SERPINA6: variants seen among roughly 807,000 people sequenced by gnomAD.
SERPINA6 encodes serpin family A member 6, also known as corticosteroid-binding globulin.
In SERPINA6, 19 loss-of-function variants were observed where a neutral mutation model predicts 26.4. The observed-to-expected ratio is 0.72, with a 90% CI of 0.50 to 1.06. The LOEUF (loss-of-function observed/expected upper bound fraction) is 1.06, where lower values mean the gene tolerates loss of function less well. Ranked by LOEUF, SERPINA6 falls within the 50% of genes least tolerant of loss-of-function variation. The probability of loss-of-function intolerance (pLI) is 0.00; values close to 1 mark genes in which losing one functional copy is unlikely to be tolerated. For synonymous variants in SERPINA6, 196 were observed against 199.4 expected, an observed-to-expected ratio of 0.98 and a Z score of 0.14; for missense variants, 473 against 504.0, an observed-to-expected ratio of 0.94 and a Z score of 0.59.
At chr14:94,321,942 T>C (rs1029679406) in intron 1 of SERPINA6, among the ~76,000 whole-genome samples, 3 of 152,196 alleles carry the variant, frequency 2.0e-5, no homozygotes, top group African/African-American at 7.2e-5. Flanking sequence ...TTCTCCTGCG[T>C]TAATTCTCTA....
At position 94,309,853 on chromosome 14, in the gene SERPINA6, T is replaced by C. The variant is rs1895501027; in HGVS notation, c.767A>G (p.Asn256Ser). The change falls in exon 3 of 5, where the codon AAC (asparagine) becomes AGC (serine). Residue 256 changes from asparagine (N) to serine (S), a missense_variant. Physicochemically the swap from Asn to Ser is conservative, Grantham distance 46. Transcript: ENST00000341584. ...SELPCQLVQM[N>S]YVGNGTVFFI... Reference sequence around the variant, plus strand: ...GAAGACAGTCCCATTGCCCACGTAGTTCATCTGCACCAGCTGGCAGGGGAG... The same window carrying C: ...GAAGACAGTCCCATTGCCCACGTAGCTCATCTGCACCAGCTGGCAGGGGAG... The C allele has an allele frequency of 6.2e-7, 1 of 1,614,060 alleles. No homozygotes were observed. The highest frequency in any genetic ancestry group is 1.3e-5 in the African/African-American group (1 of 74,916).
chr14:94,319,785 AG>A (rs1895658395), intron 1 of SERPINA6, among the ~76,000 whole-genome samples: 1 of 152,184 alleles, frequency 6.6e-6, no homozygotes, highest in Admixed American at 6.5e-5. Context: ...TGTGGTTACC[AG>A]GGGCCGGGGC....
chr14:94,315,058 T>G (rs1895594278), intron 1 of SERPINA6, among the ~76,000 whole-genome samples: 1 of 152,080 alleles, frequency 6.6e-6, no homozygotes, highest in Non-Finnish European at 1.5e-5. Flanking sequence ...AAAACACAAT[T>G]AAAGCATTCC....
chr14:94,319,153 G>A (rs879555128), intron 1 of SERPINA6, among the ~76,000 whole-genome samples: 4 of 152,140 alleles, frequency 2.6e-5, no homozygotes, highest in Non-Finnish European at 5.9e-5. Context: ...AAACAAAACA[G>A]AAAACAATAA....
At chr14:94,318,312 G>T (rs1895639691) in intron 1 of SERPINA6, among the ~76,000 whole-genome samples, 1 of 152,114 alleles carries the variant, frequency 6.6e-6, no homozygotes, top group South Asian at 2.1e-4. Flanking sequence ...CACAGAAATA[G>T]AAAAATTTAT....
intron 1 of SERPINA6, among the ~76,000 whole-genome samples, chr14:94,317,730 A>G (rs979216360): frequency 1.3e-5 from 2 of 152,228 alleles, no homozygotes; most frequent in African/African-American, 4.8e-5. Flanking sequence ...AAGACTACGT[A>G]TTTATAAAAC....
chr14:94,318,433 T>G (rs1265754364), intron 1 of SERPINA6, among the ~76,000 whole-genome samples: 1 of 152,144 alleles, frequency 6.6e-6, no homozygotes, highest in African/African-American at 2.4e-5. Context: ...TACAAAACTA[T>G]AATAATCAAA....
At chr14:94,316,819 G>T (rs889019265) in intron 1 of SERPINA6, among the ~76,000 whole-genome samples, 20 of 152,184 alleles carry the variant, frequency 1.3e-4, no homozygotes, top group Non-Finnish European at 2.9e-5. Context: ...CCCTGAGCTG[G>T]ACATCTGTGT....
At position 94,318,728 on chromosome 14, in the gene SERPINA6, A is replaced by G. The variant is rs1203696963; in HGVS notation, c.-19-4061T>C. 4.6e-5 allele frequency among the ~76,000 whole-genome samples: 7 copies of G among 152,218 alleles called. No individual in the cohort carries two copies. In the East Asian group the frequency reaches 1.3e-3, roughly 29 times the overall value. On this transcript the variant is annotated intron_variant, in intron 1 of 4. Transcript: ENST00000341584. Reference sequence around the variant, plus strand: ...AATCTTAGAAAAAAACATGGGGGAAAAACTTCATGATGTTGGCTTTGGCAA... The same window carrying G: ...AATCTTAGAAAAAAACATGGGGGAAGAACTTCATGATGTTGGCTTTGGCAA...
intron 1 of SERPINA6, among the ~76,000 whole-genome samples, chr14:94,315,787 G>T (rs1309937897): frequency 1.3e-5 from 2 of 152,290 alleles, no homozygotes; most frequent in Non-Finnish European, 2.9e-5. Context: ...ACAGCAAGAA[G>T]ATATAACATT....
At position 94,304,641 on chromosome 14, in the gene SERPINA6, C is replaced by A. The variant is rs187641380; in HGVS notation, c.1033-38G>T. ...GAATGAAGATGGGTAGTGAGACCTGCTGTGCGTTCTCGCTTTCCTGACTCA... is the reference window on the plus strand; with the variant it reads ...GAATGAAGATGGGTAGTGAGACCTGATGTGCGTTCTCGCTTTCCTGACTCA... On this transcript the variant is annotated intron_variant, in intron 4 of 4. Coordinates refer to ENST00000341584, the MANE Select transcript of SERPINA6 (RefSeq NM_001756.4). 1.9e-6 allele frequency: 3 copies of A among 1,554,114 alleles called. No individual in the cohort carries two copies. The Admixed American group carries it at 5.0e-5, about 26-fold the overall frequency.
rs1476045999 is a variant in SERPINA6 at position 94,306,131 on chromosome 14, C to A, written c.972G>T (p.Leu324Phe). 6.2e-7 allele frequency: 1 copy of A among 1,614,074 alleles called. No homozygotes were observed. The highest frequency in any genetic ancestry group is 8.5e-7 in the Non-Finnish European group (1 of 1,180,036). Residue 324 changes from leucine to phenylalanine, a missense_variant, in exon 4 of 5, where the codon TTG (leucine) becomes TTT (phenylalanine). Coordinates refer to ENST00000341584, the MANE Select transcript of SERPINA6 (RefSeq NM_001756.4). ...DVLEEMGIAD[L>F]FTNQANFSRI... ...GTGAGAAATTTGCCTGGTTGGTGAA[C>A]AAGTCTGCAATGCCCATTTCCTCCA... is the stretch of plus-strand genomic sequence containing the variant.
chr14:94,317,676 C>A (rs1443244048), intron 1 of SERPINA6, among the ~76,000 whole-genome samples: 1 of 152,140 alleles, frequency 6.6e-6, no homozygotes, highest in African/African-American at 2.4e-5. Context: ...GTAGAAAGTC[C>A]TACAACAAAA....
rs1332319567 is a variant in SERPINA6, at chr14:94,306,319, G to A, written c.885-101C>T. ...TGGCCAGACTCTTATTTCCTCATGC[G>A]CTCCCTCCAGCTCCTGCCCTCCAGC... On this transcript the variant is annotated intron_variant, in intron 3 of 4. Transcript: ENST00000341584. 3.6e-5 allele frequency: 43 copies of A among 1,189,178 alleles called. No individual in the cohort carries two copies. In the South Asian group the frequency reaches 3.8e-4, roughly 11 times the overall value. The allele number at this position is 1,189,178 out of a possible 1,614,324, so 73.7% of individuals were successfully genotyped here. A position where few individuals can be genotyped will look rare whatever the true frequency, so the allele number is the denominator to read the frequency against.
chr14:94,306,267 C>A lies in SERPINA6; in HGVS notation c.885-49G>T, dbSNP rs192037187. ...TTAGACATTCCAGGGCTGGGCCTGG[C>A]AGAGGGGAGAGCAGCACCTCTTCTC... is the stretch of plus-strand genomic sequence containing the variant. On this transcript the variant is annotated intron_variant, in intron 3 of 4. Coordinates refer to ENST00000341584, the MANE Select transcript of SERPINA6 (RefSeq NM_001756.4). 115 of 1,600,900 alleles carry A rather than the reference C, an allele frequency of 7.2e-5. No individual in the cohort carries two copies. The African/African-American group carries it at 1.1e-3, about 16-fold the overall frequency.
chr14:94,308,934 G>T (rs898922863), intron 3 of SERPINA6, among the ~76,000 whole-genome samples: 1 of 151,706 alleles, frequency 6.6e-6, no homozygotes, highest in African/African-American at 2.4e-5. Context: ...ACCATTCTAT[G>T]CACTCACTCA....
intron 1 of SERPINA6, 96 bp from the exon 2 acceptor site, chr14:94,314,763 C>G: frequency 8.7e-7 from 1 of 1,146,110 alleles, no homozygotes; most frequent in Non-Finnish European, 1.3e-6. Context: ...CATTCAAGCC[C>G]CAGTTCCTTC....
In SERPINA6 at chr14:94,309,792, G is replaced by A; in HGVS notation, c.828C>T (p.Val276=). Reference sequence around the variant, plus strand: ...TCGTGTCCCGGCTCAGTGCAGCGATGACTGTGTTCATCTTCCCCTTGTCCG... The same window carrying A: ...TCGTGTCCCGGCTCAGTGCAGCGATAACTGTGTTCATCTTCCCCTTGTCCG... ...ILPDKGKMNT[V]IAALSRDTIN... The change falls in exon 3 of 5, where the codon GTC becomes GTT. Residue 276 remains valine (V), a synonymous_variant. Coordinates refer to ENST00000341584, the MANE Select transcript of SERPINA6 (RefSeq NM_001756.4). 6.2e-7 allele frequency: 1 copy of A among 1,614,198 alleles called. No individual in the cohort carries two copies. Among genetic ancestry groups the A allele is most frequent in the Non-Finnish European group, 8.5e-7 (1 of 1,180,040 alleles).
intron 1 of SERPINA6, among the ~76,000 whole-genome samples, chr14:94,321,188 A>G (rs535754420): frequency 6.6e-6 from 1 of 152,070 alleles, no homozygotes; most frequent in Admixed American, 6.5e-5. Flanking sequence ...CTCTCTCAGG[A>G]CTCAGCAGTA....
Sources: gnomAD v4.1 joint callset for allele counts (sites outside exome capture counted in the v4.1 genomes callset) on GRCh38, gnomAD v4.1.1 for gene constraint, MANE v1.5 for transcripts, NCBI Gene and HGNC (gene_info 2026-07-23, HGNC 2026-07-21) for gene names.